The following KANK1 variants were observed in gnomAD, a reference collection of about 807,000 sequenced individuals.
The protein encoded by KANK1 is KN motif and ankyrin repeat domains 1.
In KANK1, 109 loss-of-function variants were observed where a neutral mutation model predicts 106.2. The ratio of observed to expected loss-of-function variants is 1.03; its 90% CI spans 0.88 to 1.20. The LOEUF (loss-of-function observed/expected upper bound fraction) is 1.20. Among genes scored for constraint, KANK1 ranks in the 50% most tolerant of loss-of-function variants. The pLI, the probability that KANK1 is intolerant of heterozygous loss-of-function variation, is 0.00. For synonymous variants in KANK1, 873 were observed against 652.2 expected, an observed-to-expected ratio of 1.34 and a Z score of -5.16; for missense variants, 2,399 against 1,710.7, an observed-to-expected ratio of 1.40 and a Z score of -7.10.
intron 1 of KANK1, among the ~76,000 whole-genome samples, chr9:603,397 A>G (rs1828270348): frequency 6.6e-6 from 1 of 151,858 alleles, no homozygotes; most frequent in Non-Finnish European, 1.5e-5. Flanking sequence ...TAATCATAGT[A>G]TGATAACTCA....
chr9:482,133 C>T (rs781583672), intron 3 of KANK1, among the ~76,000 whole-genome samples: 6 of 152,170 alleles, frequency 3.9e-5, no homozygotes, highest in Non-Finnish European at 7.3e-5. Flanking sequence ...AGTCAGAGCC[C>T]TTAGCGCTCC....
chr9:678,555 C>T (rs1276692126), intron 2 of KANK1, among the ~76,000 whole-genome samples: 1 of 151,894 alleles, frequency 6.6e-6, no homozygotes, highest in African/African-American at 2.4e-5. Context: ...ATGACGAAAC[C>T]CCATCTCTAC....
chr9:610,332 C>T (rs916762441), intron 1 of KANK1, among the ~76,000 whole-genome samples: 1 of 152,046 alleles, frequency 6.6e-6, no homozygotes, highest in South Asian at 2.1e-4. Context: ...TCCTGCTCTC[C>T]AAAGTGAACC....
chr9:681,725 G>A (rs1817594138), intron 2 of KANK1, among the ~76,000 whole-genome samples: 1 of 152,140 alleles, frequency 6.6e-6, no homozygotes, highest in African/African-American at 2.4e-5. Flanking sequence ...GTACCCTCAT[G>A]TCAGGCCCTG....
At chr9:539,119 G>A (rs184606538) in intron 1 of KANK1, among the ~76,000 whole-genome samples, 3 of 152,234 alleles carry the variant, frequency 2.0e-5, no homozygotes, top group African/African-American at 7.2e-5. Context: ...GGCCTCAAGT[G>A]ATCCACCTGC....
intron 1 of KANK1, among the ~76,000 whole-genome samples, chr9:515,924 T>A (rs1046423076): frequency 2.6e-5 from 4 of 151,820 alleles, no homozygotes; most frequent in Non-Finnish European, 5.9e-5. Context: ...CTGTTGACAT[T>A]TTGAGATTTC....
chr9:677,872 A>C (rs1034673138), intron 2 of KANK1, among the ~76,000 whole-genome samples: 3 of 152,218 alleles, frequency 2.0e-5, no homozygotes, highest in African/African-American at 4.8e-5. Context: ...TTCCAGCACT[A>C]ACCGTGAAAT....
In KANK1 at chr9:713,387, A is replaced by C. The variant is rs774972283; in HGVS notation, c.2621A>C (p.Asn874Thr). The change falls in exon 3 of 12, where the codon AAC (asparagine) becomes ACC (threonine). Residue 874 changes from asparagine to threonine, a missense_variant. Asn to Thr is a moderately conservative substitution (Grantham distance 65). Coordinates refer to ENST00000382297, the MANE Select transcript of KANK1 (RefSeq NM_015158.5). The stretch of plus-strand genomic sequence containing the variant: ...CTCATCAGCACCCTGTCGTCTATCA[A>C]CTCTGTCATGAAATCTGCAAGCACT... ...SQLISTLSSI[N>T]SVMKSASTEE... The C allele has an allele frequency of 6.2e-7, 1 of 1,613,790 alleles. No homozygotes were observed. Among genetic ancestry groups the C allele is most frequent in the South Asian group, 1.1e-5 (1 of 90,996 alleles).
At chr9:549,877 G>C (rs2061167834) in intron 1 of KANK1, among the ~76,000 whole-genome samples, 1 of 152,108 alleles carries the variant, frequency 6.6e-6, no homozygotes, top group African/African-American at 2.4e-5. Context: ...CTAGCTTCCA[G>C]AGGGTAAAAT....
At chr9:584,923 C>T (rs1823079645) in intron 1 of KANK1, among the ~76,000 whole-genome samples, 1 of 152,196 alleles carries the variant, frequency 6.6e-6, no homozygotes, top group Non-Finnish European at 1.5e-5. Flanking sequence ...TTGCCTTCCT[C>T]CCAGTTTCTC....
chr9:541,099 T>C (rs1587644484), intron 1 of KANK1, among the ~76,000 whole-genome samples: 1 of 151,968 alleles, frequency 6.6e-6, no homozygotes, highest in East Asian at 2.0e-4. Context: ...GCTGCATCTC[T>C]TAAGTTTTGG....
At chr9:536,710 T>TCCTTAATCTTAATG (rs1429650817) in intron 1 of KANK1, among the ~76,000 whole-genome samples, 2 of 152,196 alleles carry the variant, frequency 1.3e-5, no homozygotes, top group Non-Finnish European at 2.9e-5. Flanking sequence ...CATCCCAAAG[T>TCCTTAATCTTAATG]CCTTAATCTT....
intron 1 of KANK1, among the ~76,000 whole-genome samples, chr9:518,864 T>C (rs2059418890): frequency 6.6e-6 from 1 of 150,588 alleles, no homozygotes; most frequent in Non-Finnish European, 1.5e-5. Flanking sequence ...GAAGCCTATA[T>C]GGAGTTTCTT....
chr9:683,044 C>T (rs1817882383), intron 2 of KANK1, among the ~76,000 whole-genome samples: 1 of 152,192 alleles, frequency 6.6e-6, no homozygotes, highest in Non-Finnish European at 1.5e-5. Flanking sequence ...ACTGGTCTGG[C>T]TAGAACCCAC....
At chr9:639,751 G>A (rs1345429872) in intron 1 of KANK1, among the ~76,000 whole-genome samples, 4 of 152,174 alleles carry the variant, frequency 2.6e-5, no homozygotes, top group African/African-American at 9.7e-5. Flanking sequence ...TTTATAAGCA[G>A]CATAAATTTA....
chr9:478,540 C>G (rs1441777821), intron 3 of KANK1: 1 of 152,206 alleles, frequency 6.6e-6, no homozygotes, highest in Non-Finnish European at 1.5e-5. Flanking sequence ...GATGTCAATA[C>G]CAAATCTAAT....
intron 2 of KANK1, among the ~76,000 whole-genome samples, chr9:677,219 T>C (rs1362099387): frequency 6.6e-6 from 1 of 152,192 alleles, no homozygotes; most frequent in African/African-American, 2.4e-5. Flanking sequence ...ATCAATTGAG[T>C]AAATTATTAC....
In KANK1 at chr9:530,775, G is replaced by A. The variant is rs182807525; in HGVS notation, c.-84+26021G>A. 2.7e-3 allele frequency among the ~76,000 whole-genome samples: 410 copies of A among 152,262 alleles called. 2 individuals are homozygous for A. The highest frequency in any genetic ancestry group is 9.4e-3 in the African/African-American group (389 of 41,546). On this transcript the variant is annotated intron_variant, in intron 1 of 11. Coordinates refer to ENST00000382297, the MANE Select transcript of KANK1 (RefSeq NM_015158.5). The stretch of plus-strand genomic sequence containing the variant: ...AGGCCCAGGAAGGTGGAGTGCTTGA[G>A]CCCAGGAGTTCAAGACCAGCCTGGA...
intron 1 of KANK1, among the ~76,000 whole-genome samples, chr9:664,641 G>A (rs929862319): frequency 6.6e-5 from 10 of 152,144 alleles, no homozygotes; most frequent in African/African-American, 2.2e-4. Context: ...AAACATGCAA[G>A]TACAGATCTC....
Sources: gnomAD v4.1 joint callset for allele counts (sites outside exome capture counted in the v4.1 genomes callset) on GRCh38, gnomAD v4.1.1 for gene constraint, MANE v1.5 for transcripts, NCBI Gene and HGNC (gene_info 2026-07-23, HGNC 2026-07-21) for gene names.